The following ARID3B variants were observed in gnomAD, a reference collection of about 807,000 sequenced individuals.
The protein encoded by ARID3B is AT-rich interactive domain-containing protein 3B.
Under a neutral mutation model 51.9 loss-of-function variants are expected in ARID3B, and 10 were observed. The ratio of observed to expected loss-of-function variants is 0.19; its 90% confidence interval spans 0.12 to 0.33. The LOEUF is 0.33. Among genes scored for constraint, ARID3B ranks in the 10% least tolerant of loss-of-function variants. The probability of loss-of-function intolerance (pLI) is 1.00; values close to 1 mark genes in which losing one functional copy is unlikely to be tolerated. For missense variants in ARID3B, 483 were observed against 716.3 expected, an observed-to-expected ratio of 0.67 and a Z score of 3.72; for synonymous variants, 205 against 279.5, an observed-to-expected ratio of 0.73 and a Z score of 2.66.
At chr15:74,566,118 C>T (rs1276032971) in intron 2 of ARID3B, among the ~76,000 whole-genome samples, 1 of 152,152 alleles carries the variant, frequency 6.6e-6, no homozygotes, top group African/African-American at 2.4e-5. Context: ...TTCTGCTACT[C>T]TCCGTCTCCC....
Position 74,597,752 on chromosome 15 carries a change from C to A in ARID3B, c.*1978C>A, listed in dbSNP as rs2061833859. The A allele has an allele frequency of 1.3e-5, 6 of 461,690 alleles. No homozygotes were observed. Among genetic ancestry groups the A allele is most frequent in the Non-Finnish European group, 2.1e-5 (5 of 239,638 alleles). The allele number at this position is 461,690 out of a possible 1,614,324, so 28.6% of individuals were successfully genotyped here. A position where few individuals can be genotyped will look rare whatever the true frequency, so the allele number is the denominator to read the frequency against. On this transcript the variant is annotated 3_prime_UTR_variant, in exon 9 of 9. Transcript: ENST00000346246. ...GCAGGGAAAGCACACTGTGTCTTTC[C>A]GGTCATTGGATCCTCTCCCTTTCCC...
At chr15:74,590,090 T>A (rs1253052949) in intron 5 of ARID3B, 87 bp downstream of exon 5, 5 of 1,400,366 alleles carry the variant, frequency 3.6e-6, no homozygotes, top group Non-Finnish European at 4.7e-6. Context: ...GGAAATTCCT[T>A]TGTATGGTTA....
chr15:74,589,494 A>T (rs2061795247), intron 4 of ARID3B, among the ~76,000 whole-genome samples: 1 of 152,202 alleles, frequency 6.6e-6, no homozygotes, highest in East Asian at 1.9e-4. Context: ...GTCTGGAATC[A>T]TACTGCCAGC....
chr15:74,593,050 G>T, intron 7 of ARID3B, 88 bp from the exon 8 acceptor site: 1 of 1,162,976 alleles, frequency 8.6e-7, no homozygotes, highest in South Asian at 1.3e-5. Flanking sequence ...GTGAGGCTTT[G>T]ACCAGGGGTG....
rs2061608032 is a variant in ARID3B at position 74,544,460 on chromosome 15, A to C, written c.524A>C (p.Asn175Thr). 1.9e-6 allele frequency: 3 copies of C among 1,614,062 alleles called. No homozygotes were observed. In the South Asian group the frequency reaches 3.3e-5, roughly 18 times the overall value. The change falls in exon 2 of 9, where the codon AAC becomes ACC. Residue 175 changes from asparagine (N) to threonine (T), a missense_variant. Coordinates refer to ENST00000346246, the MANE Select transcript of ARID3B (RefSeq NM_006465.4). Reference sequence around the variant, plus strand: ...TCTGTCTCCACAGCAGGACAGCCGAACTGGAATCTGGATGAGCAGCTCAAG... The same window carrying C: ...TCTGTCTCCACAGCAGGACAGCCGACCTGGAATCTGGATGAGCAGCTCAAG... ...SPSVSTAGQPNWNLDEQLKQN... is the reference protein window; with the variant it reads ...SPSVSTAGQPTWNLDEQLKQN...
intron 2 of ARID3B, among the ~76,000 whole-genome samples, chr15:74,558,178 C>CTTTTTT (rs1208034661): frequency 3.8e-5 from 4 of 104,668 alleles, no homozygotes; most frequent in Admixed American, 1.0e-4. Context: ...TGGTTTGTGT[C>CTTTTTT]TTTTTTTTTT....
At chr15:74,589,681 C>A in intron 4 of ARID3B, 139 bp from the exon 5 acceptor site, 1 of 895,024 alleles carries the variant, frequency 1.1e-6, no homozygotes. Context: ...AGTGTTCAGG[C>A]TTGGGGAGTT....
rs1041083511 is a variant in ARID3B at position 74,591,132 on chromosome 15, C to T, written c.882-19C>T. 2 of 1,574,794 alleles carry T rather than the reference C, an allele frequency of 1.3e-6. No homozygotes were observed. The highest frequency in any genetic ancestry group is 1.7e-6 in the Non-Finnish European group (2 of 1,155,000). ...GTGCTGTTTTGGATTATTCTCCCTGCTTGCTTCCTTTCCTCCAGGTACATG... is the reference window on the plus strand; with the variant it reads ...GTGCTGTTTTGGATTATTCTCCCTGTTTGCTTCCTTTCCTCCAGGTACATG... On this transcript the variant is annotated intron_variant, in intron 5 of 8. Coordinates refer to ENST00000346246, the MANE Select transcript of ARID3B (RefSeq NM_006465.4). This position sits in a 1 kb window ranked among gnomAD's most constrained non-coding sequence, Gnocchi z 5.8.
rs1258456848 is a variant in ARID3B at position 74,589,018 on chromosome 15, ACTCT to A, written c.698-801_698-798del. On this transcript the variant is annotated intron_variant, in intron 4 of 8. Transcript: ENST00000346246. ...AAAGCAGGCATGTGCAAACAAGCAC[ACTCT>A]TTTTTTTTTTTTTTTTTTTTTTTTT... Among the ~76,000 whole-genome samples the A allele has an allele frequency of 3.9e-5, 5 of 129,408 alleles. No homozygotes were observed. The South Asian group carries it at 7.5e-4, about 19-fold the overall frequency. 84.9% of individuals were successfully genotyped at this position (129,408 alleles called of 152,430 possible).
chr15:74,591,474 A>T lies in ARID3B; in HGVS notation c.1165+40A>T. 1 of 1,593,608 alleles carries T rather than the reference A, an allele frequency of 6.3e-7. No individual in the cohort carries two copies. Among genetic ancestry groups the T allele is most frequent in the Non-Finnish European group, 8.6e-7 (1 of 1,165,820 alleles). On this transcript the variant is annotated intron_variant, in intron 6 of 8. Coordinates refer to ENST00000346246, the MANE Select transcript of ARID3B (RefSeq NM_006465.4). This position sits in a 1 kb window ranked among gnomAD's most constrained non-coding sequence, Gnocchi z 5.8. ...TGGGGGAGAAGGAAGAAAGGGAGGAAGGGATGCCAGTTCCCTGTGTTCAAG... is the reference window on the plus strand; with the variant it reads ...TGGGGGAGAAGGAAGAAAGGGAGGATGGGATGCCAGTTCCCTGTGTTCAAG...
chr15:74,566,436 T>TA lies in ARID3B; in HGVS notation c.553-6417dup, dbSNP rs1036677318. Among the ~76,000 whole-genome samples the TA allele has an allele frequency of 1.8e-3, 268 of 150,014 alleles. 2 individuals are homozygous for TA. Among genetic ancestry groups the TA allele is most frequent in the African/African-American group, 6.0e-3 (245 of 40,814 alleles). ...CCAACATGGTAAAACCCGTCTCTACTAAAAAAAAATACAAAAATTAGCTGG... is the reference window on the plus strand; with the variant it reads ...CCAACATGGTAAAACCCGTCTCTACTAAAAAAAAAATACAAAAATTAGCTGG... On this transcript the variant is annotated intron_variant, in intron 2 of 8. Transcript: ENST00000346246.
intron 1 of ARID3B, among the ~76,000 whole-genome samples, chr15:74,541,607 C>T (rs1213742766): frequency 6.8e-6 from 1 of 146,748 alleles, no homozygotes; most frequent in Non-Finnish European, 1.5e-5. Context: ...CGGGGGCCAT[C>T]GGAAGAGCCA....
intron 4 of ARID3B, among the ~76,000 whole-genome samples, chr15:74,577,330 A>G (rs2141469346): frequency 6.6e-6 from 1 of 151,376 alleles, no homozygotes; most frequent in East Asian, 2.0e-4. Flanking sequence ...AAAAAAGAAG[A>G]TGTAATCCCA....
intron 2 of ARID3B, among the ~76,000 whole-genome samples, chr15:74,565,499 C>G (rs1350578447): frequency 6.6e-6 from 1 of 152,184 alleles, no homozygotes; most frequent in Non-Finnish European, 1.5e-5. Context: ...CTTTAAACCC[C>G]AAGGAAGGGT....
intron 2 of ARID3B, among the ~76,000 whole-genome samples, chr15:74,563,151 C>CA (rs1248566359): frequency 1.3e-5 from 2 of 152,238 alleles, no homozygotes; most frequent in Non-Finnish European, 2.9e-5. Context: ...ACCAGCCTCA[C>CA]AGAGGAGTCA....
chr15:74,554,346 A>C (rs779104294), intron 2 of ARID3B, among the ~76,000 whole-genome samples: 3 of 151,616 alleles, frequency 2.0e-5, no homozygotes, highest in Non-Finnish European at 4.4e-5. Flanking sequence ...TCTGTCACCC[A>C]GGCTGGAGTG....
intron 5 of ARID3B, 82 bp downstream of exon 5, chr15:74,590,085 T>C: frequency 2.9e-6 from 4 of 1,371,384 alleles, no homozygotes; most frequent in Non-Finnish European, 3.9e-6. Flanking sequence ...AGGAAGGAAA[T>C]TCCTTTGTAT....
chr15:74,580,065 C>A (rs571316392), intron 4 of ARID3B, among the ~76,000 whole-genome samples: 7 of 152,152 alleles, frequency 4.6e-5, no homozygotes, highest in African/African-American at 1.7e-4. Context: ...GTGGCACATG[C>A]TGGCAATCCC....
At chr15:74,548,490 T>G (rs1176384144) in intron 2 of ARID3B, among the ~76,000 whole-genome samples, 1 of 152,230 alleles carries the variant, frequency 6.6e-6, no homozygotes, top group Non-Finnish European at 1.5e-5. Context: ...TTGAAAGCAC[T>G]GGGAGCCATT....
Sources: allele counts gnomAD v4.1 joint callset (sites outside exome capture counted in the v4.1 genomes callset), GRCh38; gene constraint gnomAD v4.1.1; non-coding constraint Gnocchi (gnomAD v3.1); transcripts MANE v1.5; gene names NCBI Gene and HGNC (gene_info 2026-07-23, HGNC 2026-07-21).